PACS2: variants seen among roughly 807,000 people sequenced by gnomAD.
PACS2 encodes PACS1-like protein.
In PACS2, 36 loss-of-function variants were observed where a neutral mutation model predicts 113.0. That is an observed-to-expected ratio of 0.32 (90% CI 0.24 to 0.42). PACS2 has a LOEUF of 0.42. Among genes scored for constraint, PACS2 ranks in the 10% least tolerant of loss-of-function variants. PACS2 has a pLI of 1.00. For synonymous variants in PACS2, 589 were observed against 536.1 expected, an observed-to-expected ratio of 1.10 and a Z score of -1.36; for missense variants, 1,015 against 1,239.5, an observed-to-expected ratio of 0.82 and a Z score of 2.72.
intron 9 of PACS2, among the ~76,000 whole-genome samples, chr14:105,377,483 G>T (rs78897746): frequency 0.014 from 2,109 of 152,244 alleles, 37 homozygotes; most frequent in African/African-American, 0.046. Flanking sequence ...TCGGTCAGCT[G>T]GGGGCAGGAA....
At chr14:105,380,384 G>C (rs1158360198) in intron 11 of PACS2, among the ~76,000 whole-genome samples, 4 of 150,538 alleles carry the variant, frequency 2.7e-5, no homozygotes, top group African/African-American at 9.8e-5. Flanking sequence ...CACCCTCAGG[G>C]TCAGGGCAGC....
chr14:105,379,716 C>T lies in PACS2; in HGVS notation c.960-23C>T, dbSNP rs200965708. The T allele has an allele frequency of 4.0e-5, 64 of 1,597,844 alleles. No homozygotes were observed. In the African/African-American group the frequency reaches 6.8e-4, roughly 17 times the overall value. ...AAGGGTCCTGGAAATTAACGTGTCC[C>T]CCACCCCTGTTCCCTGAGCCAGGCC... On this transcript the variant is annotated intron_variant, in intron 9 of 24. Transcript: ENST00000447393.
intron 9 of PACS2, among the ~76,000 whole-genome samples, chr14:105,377,992 G>A (rs1408716531): frequency 6.6e-6 from 1 of 152,226 alleles, no homozygotes; most frequent in Non-Finnish European, 1.5e-5. Flanking sequence ...CCTGCCGCCT[G>A]GTGGCCGTTG....
At chr14:105,372,208 A>C (rs2061180272) in intron 8 of PACS2, 1 of 152,282 alleles carries the variant, frequency 6.6e-6, no homozygotes, top group South Asian at 2.1e-4. Context: ...GAGGAACCAG[A>C]GTGAAGTCTG....
intron 8 of PACS2, chr14:105,373,009 G>A (rs2141182509): frequency 6.6e-6 from 1 of 152,212 alleles, no homozygotes; most frequent in South Asian, 2.1e-4. Context: ...AACCCAATAA[G>A]AAAAGCAACC....
chr14:105,317,945 C>CTA lies in PACS2; in HGVS notation c.119+2908_119+2909insTA, dbSNP rs2058737208. On this transcript the variant is annotated intron_variant, in intron 1 of 24. Transcript: ENST00000447393. This position sits in a 1 kb window ranked among gnomAD's most constrained non-coding sequence, Gnocchi z 4.2. Reference sequence around the variant, plus strand: ...GCTTTTGGCTCAGCACTGTTACACACGGTGCTCCTAGGTGGTCCACGGGGT... The same window carrying CTA: ...GCTTTTGGCTCAGCACTGTTACACACTAGGTGCTCCTAGGTGGTCCACGGGGT... Among the ~76,000 whole-genome samples the CTA allele has an allele frequency of 6.6e-6, 1 of 152,120 alleles. No individual in the cohort carries two copies. The highest frequency in any genetic ancestry group is 1.5e-5 in the Non-Finnish European group (1 of 68,004).
In PACS2 at chr14:105,397,043, C is replaced by T. The variant is rs2081549000; in HGVS notation, c.*2371C>T. 1 of 152,282 alleles carries T rather than the reference C, an allele frequency of 6.6e-6. No homozygotes were observed. The highest frequency in any genetic ancestry group is 2.4e-5 in the African/African-American group (1 of 41,448). The allele number at this position is 152,282 out of a possible 1,614,324, so 9.4% of individuals were successfully genotyped here. A position where few individuals can be genotyped will look rare whatever the true frequency, so the allele number is the denominator to read the frequency against. On this transcript the variant is annotated 3_prime_UTR_variant, in exon 25 of 25. Coordinates refer to ENST00000447393, the MANE Select transcript of PACS2 (RefSeq NM_001100913.3). The stretch of plus-strand genomic sequence containing the variant: ...GGAGAACATGGGCAGAGTCTCCATC[C>T]AGCAGCTGGGGGTTCTGGTGGCACT...
At chr14:105,322,232 G>T (rs1472880573) in intron 1 of PACS2, among the ~76,000 whole-genome samples, 1 of 149,748 alleles carries the variant, frequency 6.7e-6, no homozygotes, top group Non-Finnish European at 1.5e-5. Flanking sequence ...TCTGTGCCCG[G>T]CCTTTTTTTA....
intron 1 of PACS2, among the ~76,000 whole-genome samples, chr14:105,303,881 T>A (rs750540041): frequency 6.6e-6 from 1 of 152,226 alleles, no homozygotes; most frequent in Non-Finnish European, 1.5e-5. Flanking sequence ...TTGTCTCCAT[T>A]TTATGGAGGG....
At chr14:105,301,491 C>T (rs2140609046) in intron 1 of PACS2, among the ~76,000 whole-genome samples, 1 of 151,508 alleles carries the variant, frequency 6.6e-6, no homozygotes, top group South Asian at 2.1e-4. Context: ...GGACCCAACC[C>T]CGGGCTCTGG....
rs1225934738 is a variant in PACS2 at position 105,324,396 on chromosome 14, G to A, written c.119+9359G>A. On this transcript the variant is annotated intron_variant, in intron 1 of 24. Coordinates refer to ENST00000447393, the MANE Select transcript of PACS2 (RefSeq NM_001100913.3). The surrounding 1 kb of genome is among the most constrained non-coding windows in gnomAD (Gnocchi z 4.7). ...GCTTTCCCCAGGACCAGGGGGCAGG[G>A]TGTGGCGTGCTTATTCCTGCCTGGC... Among the ~76,000 whole-genome samples, 1 of 152,128 alleles carries A rather than the reference G, an allele frequency of 6.6e-6. No homozygotes were observed. The highest frequency in any genetic ancestry group is 1.5e-5 in the Non-Finnish European group (1 of 67,992).
At chr14:105,380,290 C>T in intron 11 of PACS2, 136 bp downstream of exon 11, 2 of 732,944 alleles carry the variant, frequency 2.7e-6, no homozygotes, top group Non-Finnish European at 4.5e-6. Flanking sequence ...TGGGGTCAGC[C>T]CTCAGGGGTG....
In PACS2 at chr14:105,349,617, A is replaced by AG. The variant is rs1423955893; in HGVS notation, c.207+1039dup. ...TGGGTCTTGAGTGCGAGGAGGCCTG[A>AG]GGCTTGTTGTCTGTCCCAGTCAATT... On this transcript the variant is annotated intron_variant, in intron 2 of 24. Coordinates refer to ENST00000447393, the MANE Select transcript of PACS2 (RefSeq NM_001100913.3). 1.9e-4 allele frequency among the ~76,000 whole-genome samples: 29 copies of AG among 152,254 alleles called. 1 individual carries two copies. Among genetic ancestry groups the AG allele is most frequent in the Admixed American group, 1.9e-3 (29 of 15,286 alleles).
At chr14:105,351,993 A>C (rs2060197757) in intron 2 of PACS2, among the ~76,000 whole-genome samples, 1 of 152,240 alleles carries the variant, frequency 6.6e-6, no homozygotes, top group Admixed American at 6.5e-5. Flanking sequence ...CCTGTCTCTC[A>C]AAACCAAAAC....
intron 24 of PACS2, among the ~76,000 whole-genome samples, chr14:105,394,056 AG>A (rs1555415818): frequency 6.9e-6 from 1 of 144,656 alleles, no homozygotes; most frequent in Non-Finnish European, 1.5e-5. Context: ...AAAAAAAAAA[AG>A]GGGTTTTGGA....
intron 5 of PACS2, 42 bp from the exon 6 acceptor site, chr14:105,368,032 G>A: frequency 2.2e-6 from 3 of 1,356,518 alleles, no homozygotes; most frequent in Non-Finnish European, 3.2e-6. Flanking sequence ...TTTCCCGGGT[G>A]GAATCTCACG....
At chr14:105,380,913 G>A (rs1185758728) in intron 11 of PACS2, 44 bp from the exon 12 acceptor site, 6 of 1,575,830 alleles carry the variant, frequency 3.8e-6, no homozygotes, top group East Asian at 4.5e-5. Context: ...CGCAGCACGG[G>A]TGTGGTTTCC....
intron 8 of PACS2, chr14:105,370,394 T>C (rs1205629850): frequency 6.6e-6 from 1 of 150,998 alleles, no homozygotes; most frequent in Admixed American, 6.6e-5. Flanking sequence ...TTTTCTACAA[T>C]GAGCTTGTAT....
rs1555417331 is a variant in PACS2 at position 105,397,705 on chromosome 14, GTC to G, written c.*3037_*3038del. ...GGGCCTCTGGGTGAGAGCTGGGGGTGTCTCTGCAGGGTACTGGCAGCCTTGCC... is the reference window on the plus strand; with the variant it reads ...GGGCCTCTGGGTGAGAGCTGGGGGTGTCTGCAGGGTACTGGCAGCCTTGCC... On this transcript the variant is annotated 3_prime_UTR_variant, in exon 25 of 25. Transcript: ENST00000447393. 1 of 152,614 alleles carries G rather than the reference GTC, an allele frequency of 6.6e-6. No homozygotes were observed. The highest frequency in any genetic ancestry group is 2.4e-5 in the African/African-American group (1 of 41,488). The allele number at this position is 152,614 out of a possible 1,614,324, so 9.5% of individuals were successfully genotyped here.
Sources: gnomAD v4.1 joint callset for allele counts (sites outside exome capture counted in the v4.1 genomes callset) on GRCh38, gnomAD v4.1.1 for gene constraint, Gnocchi (gnomAD v3.1) non-coding constraint, MANE v1.5 for transcripts, NCBI Gene and HGNC (gene_info 2026-07-23, HGNC 2026-07-21) for gene names.